GNAO1: variants seen among roughly 807,000 people sequenced by gnomAD.
GNAO1 encodes the protein G protein subunit alpha o1.
For missense variants in GNAO1, 166 were observed against 478.7 expected (o/e 0.35, Z 6.10); for synonymous variants, 164 against 180.7 (o/e 0.91, Z 0.74).
At position 56,343,695 on chromosome 16, in the gene GNAO1, G is replaced by T. The variant is rs2037829603; in HGVS notation, c.723+6835G>T. 8 of 1,290,254 alleles carry T rather than the reference G, an allele frequency of 6.2e-6. No homozygotes were observed. The South Asian group carries it at 9.5e-5, about 15-fold the overall frequency. 79.9% of individuals were successfully genotyped at this position (1,290,254 alleles called of 1,614,324 possible). ...GCCGGATGGCCACACAGGCCAGGCTGGGGTCGTCCATGCCAAGCAGTCCCA... is the reference window on the plus strand; with the variant it reads ...GCCGGATGGCCACACAGGCCAGGCTTGGGTCGTCCATGCCAAGCAGTCCCA... On this transcript the variant is annotated intron_variant, in intron 6 of 8. Coordinates refer to ENST00000262493, the MANE Select transcript of GNAO1 (RefSeq NM_020988.3).
chr16:56,328,068 C>A (rs2037653408), intron 3 of GNAO1, among the ~76,000 whole-genome samples: 1 of 152,328 alleles, frequency 6.6e-6, no homozygotes, highest in African/African-American at 2.4e-5. Context: ...AGTCCTGAGG[C>A]ACAGCCCCGC....
chr16:56,251,852 C>T (rs2036802685), intron 2 of GNAO1, among the ~76,000 whole-genome samples: 1 of 152,176 alleles, frequency 6.6e-6, no homozygotes, highest in South Asian at 2.1e-4. Context: ...CTGCCATCTT[C>T]CCTGATCAAG....
At chr16:56,213,754 A>G (rs191201571) in intron 2 of GNAO1, among the ~76,000 whole-genome samples, 90 of 152,258 alleles carry the variant, frequency 5.9e-4, no homozygotes, top group African/African-American at 2.0e-3. Context: ...CCAGGCAGCC[A>G]GAAATAGACA....
chr16:56,232,786 T>C (rs1315354001), intron 2 of GNAO1, among the ~76,000 whole-genome samples: 1 of 151,944 alleles, frequency 6.6e-6, no homozygotes, highest in Non-Finnish European at 1.5e-5. Context: ...TCAAAAGGGG[T>C]TGGGGTGAAG....
intron 2 of GNAO1, among the ~76,000 whole-genome samples, chr16:56,219,091 T>C (rs2036461394): frequency 6.6e-6 from 1 of 152,092 alleles, no homozygotes; most frequent in South Asian, 2.1e-4. Flanking sequence ...AAAGAAGCCA[T>C]TGCACCCTAG....
At chr16:56,269,301 C>G (rs960976286) in intron 2 of GNAO1, among the ~76,000 whole-genome samples, 2 of 151,208 alleles carry the variant, frequency 1.3e-5, no homozygotes, top group Admixed American at 6.6e-5. Context: ...TGTTGCTGCT[C>G]CTCCTCCTCC....
chr16:56,322,427 C>A (rs1199772130), intron 3 of GNAO1, among the ~76,000 whole-genome samples: 1 of 152,230 alleles, frequency 6.6e-6, no homozygotes, highest in Non-Finnish European at 1.5e-5. Flanking sequence ...ATGGGAAATT[C>A]AGGCTCAGCC....
intron 2 of GNAO1, among the ~76,000 whole-genome samples, chr16:56,205,556 C>T (rs2036319808): frequency 6.6e-6 from 1 of 152,200 alleles, no homozygotes; most frequent in East Asian, 1.9e-4. Context: ...TCTTCCTACT[C>T]TTAATTCCCC....
intron 2 of GNAO1, chr16:56,213,278 A>G (rs2036407574): frequency 2.5e-6 from 1 of 398,060 alleles, no homozygotes; most frequent in African/African-American, 2.1e-5. Context: ...GCAGATATCC[A>G]TTGAGCTTCT....
intron 2 of GNAO1, among the ~76,000 whole-genome samples, chr16:56,208,597 G>A (rs142327793): frequency 6.6e-6 from 1 of 152,276 alleles, no homozygotes; most frequent in African/African-American, 2.4e-5. Context: ...ATTCACGGTA[G>A]CAGAAAGAAT....
chr16:56,241,948 C>G (rs1447349074), intron 2 of GNAO1, among the ~76,000 whole-genome samples: 1 of 152,230 alleles, frequency 6.6e-6, no homozygotes, highest in Non-Finnish European at 1.5e-5. Flanking sequence ...ATGAAAAGCC[C>G]TGGCCTCAGA....
At chr16:56,241,039 A>C (rs1482319686) in intron 2 of GNAO1, among the ~76,000 whole-genome samples, 1 of 152,320 alleles carries the variant, frequency 6.6e-6, no homozygotes, top group South Asian at 2.1e-4. Context: ...CTCTGTGTAC[A>C]TGGTGGCCCA....
intron 6 of GNAO1, among the ~76,000 whole-genome samples, chr16:56,343,329 A>AAATAATAAT (rs59805466): frequency 8.9e-5 from 13 of 146,746 alleles, no homozygotes; most frequent in African/African-American, 2.9e-4. Flanking sequence ...TCTGTATTAA[A>AAATAATAAT]AATAATAATA....
chr16:56,275,889 A>G, intron 2 of GNAO1, 42 bp from the exon 3 acceptor site: 1 of 1,573,240 alleles, frequency 6.4e-7, no homozygotes, highest in Non-Finnish European at 8.7e-7. Flanking sequence ...GTTGATGAGG[A>G]CAATGCTCTC....
At chr16:56,348,466 G>A (rs1395250663) in intron 6 of GNAO1, among the ~76,000 whole-genome samples, 1 of 152,260 alleles carries the variant, frequency 6.6e-6, no homozygotes, top group Non-Finnish European at 1.5e-5. Flanking sequence ...ACTGCTGTGG[G>A]TGACGTGGCA....
chr16:56,318,771 A>G (rs2037540818), intron 3 of GNAO1, among the ~76,000 whole-genome samples: 1 of 152,216 alleles, frequency 6.6e-6, no homozygotes, highest in Admixed American at 6.5e-5. Context: ...AAGCAGGCTT[A>G]TTTTGTGTCA....
intron 2 of GNAO1, among the ~76,000 whole-genome samples, chr16:56,260,499 C>G (rs2036893140): frequency 6.6e-6 from 1 of 152,194 alleles, no homozygotes; most frequent in African/African-American, 2.4e-5. Flanking sequence ...CTGAGCATAC[C>G]TGCCCTCCTG....
chr16:56,317,091 T>C (rs1441867029), intron 3 of GNAO1, among the ~76,000 whole-genome samples: 3 of 152,172 alleles, frequency 2.0e-5, no homozygotes, highest in African/African-American at 7.2e-5. Context: ...GTTCTGAGGC[T>C]GAAAAGGAAA....
intron 3 of GNAO1, among the ~76,000 whole-genome samples, chr16:56,303,324 T>A (rs1310729342): frequency 6.6e-6 from 1 of 152,218 alleles, no homozygotes; most frequent in Non-Finnish European, 1.5e-5. Flanking sequence ...AGTGGTGTGA[T>A]GCTGAGCTCA....
Sources: gnomAD v4.1 joint callset for allele counts (sites outside exome capture counted in the v4.1 genomes callset) on GRCh38, gnomAD v4.1.1 for gene constraint, MANE v1.5 for transcripts, NCBI Gene and HGNC (gene_info 2026-07-23, HGNC 2026-07-21) for gene names.